The following IPO11 variants were observed in gnomAD, a reference collection of about 807,000 sequenced individuals.
The protein encoded by IPO11 is importin-11.
A neutral mutation model predicts 143.2 loss-of-function variants in IPO11; 66 were observed. The ratio of observed to expected loss-of-function variants is 0.46; its 90% CI spans 0.38 to 0.57. The LOEUF is 0.57. Among genes scored for constraint, IPO11 ranks in the 20% least tolerant of loss-of-function variants. The probability of loss-of-function intolerance (pLI) is 0.00; values close to 1 mark genes in which losing one functional copy is unlikely to be tolerated. For synonymous variants in IPO11, 385 were observed against 377.8 expected, an observed-to-expected ratio of 1.02 and a Z score of -0.22; for missense variants, 1,026 against 1,141.0, an observed-to-expected ratio of 0.90 and a Z score of 1.45.
At chr5:62,414,302 CAA>C (rs1358648340) in intron 1 of IPO11, among the ~76,000 whole-genome samples, 4 of 152,010 alleles carry the variant, frequency 2.6e-5, no homozygotes, top group African/African-American at 9.7e-5. Context: ...TTTCCAGAAA[CAA>C]AATTTTTTTT....
intron 19 of IPO11, among the ~76,000 whole-genome samples, chr5:62,514,637 A>AGAGGGG (rs1741939624): frequency 6.7e-6 from 1 of 148,456 alleles, no homozygotes; most frequent in Non-Finnish European, 1.5e-5. Context: ...AGGGAGAGGG[A>AGAGGGG]GACGGGAGGA....
chr5:62,466,579 G>C (rs1190121676), intron 5 of IPO11, among the ~76,000 whole-genome samples: 1 of 152,196 alleles, frequency 6.6e-6, no homozygotes, highest in Non-Finnish European at 1.5e-5. Flanking sequence ...GTGAGGCAGA[G>C]ATTAACTACA....
intron 22 of IPO11, among the ~76,000 whole-genome samples, chr5:62,533,840 T>C (rs1198751820): frequency 2.6e-5 from 4 of 151,964 alleles, no homozygotes; most frequent in Non-Finnish European, 5.9e-5. Flanking sequence ...GTGCTTGTGA[T>C]TGTAGCTGCT....
In IPO11 at chr5:62,451,617, C is replaced by G. The variant is rs78534373; in HGVS notation, c.313-113C>G. The G allele has an allele frequency of 1.0e-4, 84 of 813,484 alleles. No individual in the cohort carries two copies. In the African/African-American group the frequency reaches 1.4e-3, roughly 13 times the overall value. The allele number at this position is 813,484 out of a possible 1,614,324, so 50.4% of individuals were successfully genotyped here. On this transcript the variant is annotated intron_variant, in intron 4 of 29. Transcript: ENST00000325324. Reference sequence around the variant, plus strand: ...GAGAACCACTGTTTAAGCAGTCATTCAGTGAAATCGTATTCATTTTTGTCA... The same window carrying G: ...GAGAACCACTGTTTAAGCAGTCATTGAGTGAAATCGTATTCATTTTTGTCA...
At chr5:62,584,899 C>T (rs947664823) in intron 27 of IPO11, among the ~76,000 whole-genome samples, 5 of 152,066 alleles carry the variant, frequency 3.3e-5, no homozygotes, top group African/African-American at 1.2e-4. Context: ...ATGTATAGTA[C>T]ACCTGCTGCT....
intron 28 of IPO11, among the ~76,000 whole-genome samples, chr5:62,595,449 A>G (rs1279018663): frequency 6.6e-6 from 1 of 152,226 alleles, no homozygotes; most frequent in Non-Finnish European, 1.5e-5. Context: ...GCCTATGCTT[A>G]TTTTTATACC....
intron 27 of IPO11, among the ~76,000 whole-genome samples, chr5:62,589,188 CA>C (rs1364244720): frequency 1.3e-5 from 2 of 152,048 alleles, no homozygotes; most frequent in Non-Finnish European, 2.9e-5. Context: ...TTCCCTCAGC[CA>C]AAAAACACCC....
intron 3 of IPO11, among the ~76,000 whole-genome samples, chr5:62,449,405 A>G (rs1744829959): frequency 6.6e-6 from 1 of 152,204 alleles, no homozygotes; most frequent in South Asian, 2.1e-4. Flanking sequence ...CACCCATCCC[A>G]GATATTCCCT....
chr5:62,622,338 G>A (rs1453996150), intron 29 of IPO11, among the ~76,000 whole-genome samples: 1 of 152,148 alleles, frequency 6.6e-6, no homozygotes, highest in African/African-American at 2.4e-5. Context: ...CCCTTATGCT[G>A]CCAAGTGAAG....
intron 4 of IPO11, 143 bp from the exon 5 acceptor site, chr5:62,451,587 A>G: frequency 1.4e-6 from 1 of 703,324 alleles, no homozygotes; most frequent in Non-Finnish European, 2.4e-6. Flanking sequence ...CATGGGCCAC[A>G]CTTTGAGAAC....
chr5:62,445,718 G>A (rs536528907), intron 3 of IPO11, among the ~76,000 whole-genome samples: 41 of 152,228 alleles, frequency 2.7e-4, no homozygotes, highest in Admixed American at 9.2e-4. Context: ...AGTGTTCTGA[G>A]CATGTTTGAG....
intron 29 of IPO11, among the ~76,000 whole-genome samples, chr5:62,604,534 A>G (rs936263123): frequency 6.6e-6 from 1 of 152,056 alleles, no homozygotes; most frequent in African/African-American, 2.4e-5. Flanking sequence ...AAATACGTGG[A>G]AAGTATTTTT....
intron 29 of IPO11, among the ~76,000 whole-genome samples, chr5:62,603,127 G>C (rs1745566613): frequency 6.6e-6 from 1 of 152,128 alleles, no homozygotes; most frequent in Non-Finnish European, 1.5e-5. Flanking sequence ...TAAACAAGAA[G>C]CTCCTACAGC....
rs894494070 is a variant in IPO11 at position 62,437,045 on chromosome 5, A to G, written c.-6-229A>G. On this transcript the variant is annotated intron_variant, in intron 1 of 29. Coordinates refer to ENST00000325324, the MANE Select transcript of IPO11 (RefSeq NM_016338.5). ...TTTATTATCTTCTATTTATGGAACA[A>G]TGAAAGAGAGTTTCCTTTAGGAATA... Among the ~76,000 whole-genome samples, 7 of 152,136 alleles carry G rather than the reference A, an allele frequency of 4.6e-5. No individual in the cohort carries two copies. In the South Asian group the frequency reaches 6.2e-4, roughly 13 times the overall value.
Position 62,504,674 on chromosome 5 carries a change from T to C in IPO11, c.1598T>C (p.Ile533Thr). The change falls in exon 17 of 30, where the codon ATT (isoleucine) becomes ACT (threonine). Residue 533 changes from isoleucine to threonine, a missense_variant. Around this residue, in one of 5 missense-constraint regions of IPO11, gnomAD observed 237 missense variants for 288.0 expected, o/e 0.82. Transcript: ENST00000325324. ...LLQDQDLVVR[I>T]ETATTLKLTV... is the part of the protein sequence containing the mutation. ...TGATATACTTTCTTTTAGGTCCGTA[T>C]TGAAACAGCTACAACTTTGAAGTTA... 1 of 1,480,292 alleles carries C rather than the reference T, an allele frequency of 6.8e-7. No homozygotes were observed. The highest frequency in any genetic ancestry group is 2.3e-5 in the East Asian group (1 of 42,958). The allele number at this position is 1,480,292 out of a possible 1,614,324, so 91.7% of individuals were successfully genotyped here. A position where few individuals can be genotyped will look rare whatever the true frequency, so the allele number is the denominator to read the frequency against.
chr5:62,471,414 C>T (rs1387051396), intron 7 of IPO11, among the ~76,000 whole-genome samples: 4 of 151,920 alleles, frequency 2.6e-5, no homozygotes, highest in Non-Finnish European at 5.9e-5. Flanking sequence ...TATACATCAT[C>T]ATAATGTGAT....
intron 7 of IPO11, among the ~76,000 whole-genome samples, chr5:62,473,039 T>G (rs1353149189): frequency 6.6e-5 from 10 of 152,186 alleles, no homozygotes; most frequent in Admixed American, 6.5e-4. Context: ...ACCTAATTCT[T>G]TTATAATTGA....
At chr5:62,595,247 T>G (rs2112434378) in intron 28 of IPO11, among the ~76,000 whole-genome samples, 1 of 152,282 alleles carries the variant, frequency 6.6e-6, no homozygotes, top group East Asian at 1.9e-4. Flanking sequence ...ACCATTTAGG[T>G]AGCTGTTAAA....
At position 62,501,050 on chromosome 5, in the gene IPO11, A is replaced by G. The variant is rs139720366; in HGVS notation, c.1591-3617A>G. Among the ~76,000 whole-genome samples the G allele has an allele frequency of 4.5e-3, 689 of 152,332 alleles. 4 individuals are homozygous for G. The highest frequency in any genetic ancestry group is 8.3e-3 in the East Asian group (43 of 5,188). On this transcript the variant is annotated intron_variant, in intron 16 of 29. Coordinates refer to ENST00000325324, the MANE Select transcript of IPO11 (RefSeq NM_016338.5). ...AAAGTTACTAGGTGGAGTTTAATGA[A>G]GTACTTTCAGTGGTATGGAGAAGAC...
Sources: allele counts gnomAD v4.1 joint callset (sites outside exome capture counted in the v4.1 genomes callset), GRCh38; gene constraint gnomAD v4.1.1; regional missense constraint gnomAD v4.1.1; transcripts MANE v1.5; gene names NCBI Gene and HGNC (gene_info 2026-07-23, HGNC 2026-07-21).